Variants in RIMS2 observed in about 807,000 individuals in gnomAD.
RIMS2 encodes the protein regulating synaptic membrane exocytosis protein 2.
RIMS2 carries 59 observed loss-of-function variants against 174.4 expected under a neutral mutation model. The ratio of observed to expected loss-of-function variants is 0.34; its 90% CI spans 0.27 to 0.42. RIMS2 has a LOEUF of 0.42. Among genes scored for constraint, RIMS2 ranks in the 10% least tolerant of loss-of-function variants. RIMS2 has a pLI of 1.00. For missense variants in RIMS2, 1,620 were observed against 1,666.3 expected, an observed-to-expected ratio of 0.97 and a Z score of 0.48; for synonymous variants, 606 against 572.5, an observed-to-expected ratio of 1.06 and a Z score of -0.84.
intron 3 of RIMS2, among the ~76,000 whole-genome samples, chr8:103,845,632 T>A (rs982192527): frequency 6.6e-6 from 1 of 152,000 alleles, no homozygotes; most frequent in Non-Finnish European, 1.5e-5. Context: ...AATTAAGTAA[T>A]TTTTTTATAG....
intron 19 of RIMS2, among the ~76,000 whole-genome samples, chr8:104,233,435 G>C (rs1411383676): frequency 6.6e-6 from 1 of 152,112 alleles, no homozygotes; most frequent in Admixed American, 6.6e-5. Context: ...CATTTAGAAA[G>C]GAGAGAATAG....
intron 15 of RIMS2, among the ~76,000 whole-genome samples, chr8:103,966,799 A>G (rs2091936116): frequency 6.6e-6 from 1 of 152,022 alleles, no homozygotes; most frequent in African/African-American, 2.4e-5. Flanking sequence ...TGCATCCCAC[A>G]AATTTTGTTG....
chr8:103,528,799 G>A (rs1213254647), intron 1 of RIMS2, among the ~76,000 whole-genome samples: 1 of 152,142 alleles, frequency 6.6e-6, no homozygotes, highest in East Asian at 1.9e-4. Flanking sequence ...CTGTAGCCTT[G>A]TAGTATAGTT....
intron 19 of RIMS2, among the ~76,000 whole-genome samples, chr8:104,121,151 G>T (rs567993194): frequency 6.6e-6 from 1 of 152,022 alleles, no homozygotes; most frequent in Non-Finnish European, 1.5e-5. Flanking sequence ...GGAGGACATG[G>T]ACATTTAAAT....
intron 1 of RIMS2, among the ~76,000 whole-genome samples, chr8:103,693,125 G>C (rs1395695387): frequency 1.3e-5 from 2 of 152,172 alleles, no homozygotes; most frequent in African/African-American, 4.8e-5. Context: ...AGGGGTGGCT[G>C]AGTTCTGCCT....
intron 1 of RIMS2, among the ~76,000 whole-genome samples, chr8:103,679,607 T>G (rs1326434062): frequency 1.3e-5 from 2 of 152,018 alleles, no homozygotes; most frequent in African/African-American, 2.4e-5. Flanking sequence ...TGAAGAAGTT[T>G]CATTATTTCA....
At chr8:103,574,591 C>T (rs1057101143) in intron 1 of RIMS2, among the ~76,000 whole-genome samples, 1 of 152,216 alleles carries the variant, frequency 6.6e-6, no homozygotes, top group Non-Finnish European at 1.5e-5. Flanking sequence ...ATTCCATTCT[C>T]TCTTTCTAAA....
chr8:103,882,832 A>G (rs1382671961), intron 3 of RIMS2, among the ~76,000 whole-genome samples: 1 of 151,724 alleles, frequency 6.6e-6, no homozygotes, highest in Non-Finnish European at 1.5e-5. Flanking sequence ...AAGATAAAAT[A>G]TAATCCCCTG....
At chr8:103,961,235 T>C (rs72683103) in intron 15 of RIMS2, 102 bp downstream of exon 17, 99,774 of 682,044 alleles carry the variant, frequency 0.15, 9,217 homozygotes, top group Non-Finnish European at 0.19. Context: ...TAACTCGTCT[T>C]CTCACCCTCC....
chr8:103,993,880 T>TA (rs1443402208), intron 17 of RIMS2, among the ~76,000 whole-genome samples: 1 of 151,376 alleles, frequency 6.6e-6, no homozygotes, highest in Admixed American at 6.6e-5. Flanking sequence ...ACACAAAAAA[T>TA]AAAAAATAAA....
At chr8:104,112,727 T>C (rs942361304) in intron 19 of RIMS2, among the ~76,000 whole-genome samples, 7 of 152,308 alleles carry the variant, frequency 4.6e-5, no homozygotes, top group African/African-American at 1.2e-4. Flanking sequence ...TTTAGGTTCA[T>C]GGGAGCAAAG....
At chr8:103,606,458 T>C (rs1007026002) in intron 1 of RIMS2, among the ~76,000 whole-genome samples, 1 of 152,160 alleles carries the variant, frequency 6.6e-6, no homozygotes, top group Non-Finnish European at 1.5e-5. Context: ...GGTGTGGTGC[T>C]GAAAAAAATG....
chr8:104,199,104 C>T (rs1344634730), intron 19 of RIMS2, among the ~76,000 whole-genome samples: 3 of 152,100 alleles, frequency 2.0e-5, no homozygotes, highest in African/African-American at 7.2e-5. Context: ...CTTTGTCGCT[C>T]AGGCTGGAGT....
chr8:103,758,497 C>T (rs2098061073), intron 2 of RIMS2, among the ~76,000 whole-genome samples: 2 of 152,030 alleles, frequency 1.3e-5, no homozygotes, highest in African/African-American at 4.8e-5. Context: ...GCATTTTTTT[C>T]AGCTTTTTTT....
At chr8:103,902,449 G>A (rs1414001257) in intron 4 of RIMS2, among the ~76,000 whole-genome samples, 2 of 152,090 alleles carry the variant, frequency 1.3e-5, no homozygotes, top group African/African-American at 4.8e-5. Flanking sequence ...CCATGAGGTG[G>A]GGATTATGGG....
At chr8:104,070,774 A>G (rs955194501) in intron 19 of RIMS2, among the ~76,000 whole-genome samples, 9 of 152,178 alleles carry the variant, frequency 5.9e-5, no homozygotes, top group African/African-American at 1.2e-4. Context: ...AAAAATACTT[A>G]TATAGTCTCA....
At chr8:103,638,779 G>C (rs1053383160) in intron 1 of RIMS2, among the ~76,000 whole-genome samples, 1 of 152,018 alleles carries the variant, frequency 6.6e-6, no homozygotes, top group African/African-American at 2.4e-5. Flanking sequence ...CTTTGTACCA[G>C]ATGGGCTCAC....
chr8:103,910,082 G>T (rs2075354461), intron 4 of RIMS2: 1 of 1,091,050 alleles, frequency 9.2e-7, no homozygotes, highest in Non-Finnish European at 1.4e-6. Context: ...GTCTCTGTCT[G>T]TCCCTTTTTT....
intron 19 of RIMS2, among the ~76,000 whole-genome samples, chr8:104,125,038 A>C (rs932601651): frequency 3.3e-5 from 5 of 152,286 alleles, no homozygotes; most frequent in Admixed American, 3.3e-4. Flanking sequence ...TAAGCAGCAG[A>C]CTACCACCCA....
Sources: allele counts gnomAD v4.1 joint callset (sites outside exome capture counted in the v4.1 genomes callset), GRCh38; gene constraint gnomAD v4.1.1; transcripts MANE v1.5; gene names NCBI Gene and HGNC (gene_info 2026-07-23, HGNC 2026-07-21).